Variants in ANKS1B observed in about 807,000 individuals in gnomAD.
ANKS1B encodes the protein ankyrin repeat and sterile alpha motif domain-containing protein 1B.
ANKS1B carries 36 observed loss-of-function variants against 148.3 expected under a neutral mutation model. The ratio of observed to expected loss-of-function variants is 0.24; its 90% CI spans 0.19 to 0.32. The LOEUF (loss-of-function observed/expected upper bound fraction) is 0.32, where lower values mean the gene tolerates loss of function less well. Among genes scored for constraint, ANKS1B ranks in the 10% least tolerant of loss-of-function variants. The pLI is 1.00. For missense variants in ANKS1B, 1,157 were observed against 1,542.6 expected (o/e 0.75, Z 4.19); for synonymous variants, 542 against 560.8 (o/e 0.97, Z 0.47).
At chr12:99,837,600 G>C (rs2085061202) in intron 1 of ANKS1B, among the ~76,000 whole-genome samples, 1 of 152,026 alleles carries the variant, frequency 6.6e-6, no homozygotes, top group African/African-American at 2.4e-5. Context: ...TATAACCCCT[G>C]GATTTTTAAA....
rs181590687 is a variant in ANKS1B, at chr12:99,399,790, C to T, written c.1597G>A (p.Val533Met). The change falls in exon 12 of 27, where the codon GTG becomes ATG. Residue 533 changes from valine to methionine, a missense_variant. Physicochemically the swap from Val to Met is conservative, Grantham distance 21. Coordinates refer to ENST00000683438, the MANE Select transcript of ANKS1B (RefSeq NM_001352186.2). The part of the protein sequence containing the change: ...RPQPKQRTSI[V>M]SSLDFHRMNH... ...ATTCGGTGAAAATCCAGAGAAGACACAATGGATGTTCGCTGTTTAGGCTAA... is the reference window on the plus strand; with the variant it reads ...ATTCGGTGAAAATCCAGAGAAGACATAATGGATGTTCGCTGTTTAGGCTAA... The T allele has an allele frequency of 1.9e-5, 31 of 1,613,326 alleles. No individual in the cohort carries two copies. Among genetic ancestry groups the T allele is most frequent in the Non-Finnish European group, 1.1e-5 (13 of 1,179,416 alleles).
chr12:99,967,210 T>C (rs975663119), intron 1 of ANKS1B, among the ~76,000 whole-genome samples: 6 of 152,306 alleles, frequency 3.9e-5, no homozygotes, highest in African/African-American at 1.4e-4. Context: ...ATAATAAGCA[T>C]TTTATTTCCT....
chr12:99,228,425 CT>C (rs1441850830), intron 14 of ANKS1B, among the ~76,000 whole-genome samples: 2 of 140,678 alleles, frequency 1.4e-5, no homozygotes, highest in African/African-American at 5.2e-5. Context: ...ATCTATCTAT[CT>C]ATATTGATTT....
intron 9 of ANKS1B, among the ~76,000 whole-genome samples, chr12:99,509,343 C>T (rs1024954047): frequency 4.0e-5 from 6 of 151,850 alleles, no homozygotes; most frequent in Non-Finnish European, 8.8e-5. Context: ...AAAGCTAGGC[C>T]TCTTGTGCCA....
intron 22 of ANKS1B, among the ~76,000 whole-genome samples, chr12:98,782,360 C>T (rs1382467136): frequency 6.6e-6 from 1 of 152,214 alleles, no homozygotes; most frequent in Non-Finnish European, 1.5e-5. Context: ...CTCTGTTTCT[C>T]ATCATTCTGT....
intron 17 of ANKS1B, among the ~76,000 whole-genome samples, chr12:98,968,602 G>C (rs2153192462): frequency 6.6e-6 from 1 of 152,284 alleles, no homozygotes. Context: ...TACAACTTTG[G>C]AGAGGGGAAG....
chr12:99,490,244 T>C (rs886884682), intron 10 of ANKS1B, among the ~76,000 whole-genome samples: 1 of 152,230 alleles, frequency 6.6e-6, no homozygotes, highest in Admixed American at 6.5e-5. Flanking sequence ...AAAGAGATGG[T>C]TCTGAACAGT....
At chr12:98,897,814 C>T (rs1027794250) in intron 17 of ANKS1B, among the ~76,000 whole-genome samples, 1 of 152,166 alleles carries the variant, frequency 6.6e-6, no homozygotes. Context: ...ATGGAATCAA[C>T]CTGTGTCTAT....
intron 15 of ANKS1B, among the ~76,000 whole-genome samples, chr12:99,105,186 T>C (rs960581586): frequency 6.6e-6 from 1 of 152,228 alleles, no homozygotes; most frequent in East Asian, 1.9e-4. Flanking sequence ...TTATATTTTT[T>C]GAGGACTGTT....
intron 8 of ANKS1B, among the ~76,000 whole-genome samples, chr12:99,758,605 T>C (rs770463466): frequency 6.6e-6 from 1 of 151,910 alleles, no homozygotes; most frequent in Non-Finnish European, 1.5e-5. Flanking sequence ...ATACTATTAC[T>C]ATTACTATTG....
At chr12:98,774,545 TTCTTA>T (rs1186361781) in intron 24 of ANKS1B, among the ~76,000 whole-genome samples, 7 of 152,370 alleles carry the variant, frequency 4.6e-5, no homozygotes, top group Admixed American at 1.3e-4. Flanking sequence ...TGCAATCATT[TTCTTA>T]TCTTATAATA....
intron 1 of ANKS1B, among the ~76,000 whole-genome samples, chr12:99,888,492 C>A (rs1449712406): frequency 6.6e-6 from 1 of 152,100 alleles, no homozygotes; most frequent in East Asian, 1.9e-4. Flanking sequence ...GAACAGAAAA[C>A]AAGTGGAGAT....
chr12:99,007,708 A>T (rs1176998948), intron 17 of ANKS1B, among the ~76,000 whole-genome samples: 1 of 151,844 alleles, frequency 6.6e-6, no homozygotes, highest in Non-Finnish European at 1.5e-5. Flanking sequence ...TGGTGTGGGA[A>T]TGTTCTTGTT....
intron 14 of ANKS1B, among the ~76,000 whole-genome samples, chr12:99,175,110 C>T (rs2078235692): frequency 6.6e-6 from 1 of 152,170 alleles, no homozygotes. Context: ...TGTATAGTCA[C>T]ATGCATTTTG....
chr12:98,895,118 C>A, intron 17 of ANKS1B: 2 of 985,244 alleles, frequency 2.0e-6, no homozygotes, highest in Non-Finnish European at 2.4e-6. Context: ...GGCTTGGCCG[C>A]CGGGGAGGGC....
intron 9 of ANKS1B, among the ~76,000 whole-genome samples, chr12:99,542,913 T>G (rs901685183): frequency 1.3e-5 from 2 of 152,062 alleles, no homozygotes; most frequent in Non-Finnish European, 2.9e-5. Context: ...TAAATCTTCA[T>G]GACCTTGGAT....
At chr12:99,289,956 G>A (rs1412446403) in intron 12 of ANKS1B, among the ~76,000 whole-genome samples, 1 of 151,030 alleles carries the variant, frequency 6.6e-6, no homozygotes, top group Non-Finnish European at 1.5e-5. Context: ...AAACAGAAAA[G>A]AATAATACAA....
Position 99,246,437 on chromosome 12 carries a change from G to C in ANKS1B, c.2184C>G (p.Asp728Glu). The change falls in exon 13 of 27, where the codon GAC (aspartate) becomes GAG (glutamate). Residue 728 changes from aspartate to glutamate, a missense_variant. By Grantham distance (45) the Asp-to-Glu change is conservative. Coordinates refer to ENST00000683438, the MANE Select transcript of ANKS1B (RefSeq NM_001352186.2). ...TAGAGACACTTTTTGACAAATGCAT[G>C]TCGATCAAGGCTTTAGGCAATGACC... ...RIRSLPKALI[D>E]MHLSKSVSKS... 6.2e-7 allele frequency: 1 copy of C among 1,613,890 alleles called. No individual in the cohort carries two copies. Among genetic ancestry groups the C allele is most frequent in the African/African-American group, 1.3e-5 (1 of 75,030 alleles).
chr12:99,206,449 G>T (rs201698498), intron 14 of ANKS1B, among the ~76,000 whole-genome samples: 1 of 152,062 alleles, frequency 6.6e-6, no homozygotes, highest in African/African-American at 2.4e-5. Flanking sequence ...GCCAAACCCA[G>T]ATGTGCAGAA....
Sources: gnomAD v4.1 joint callset for allele counts (sites outside exome capture counted in the v4.1 genomes callset) on GRCh38, gnomAD v4.1.1 for gene constraint, MANE v1.5 for transcripts, NCBI Gene and HGNC (gene_info 2026-07-23, HGNC 2026-07-21) for gene names.